Variants in DNAH9 observed in about 807,000 individuals in gnomAD.
DNAH9 encodes DNAH9 variant protein.
DNAH9 carries 345 observed loss-of-function variants against 471.6 expected under a neutral mutation model. That is an observed-to-expected ratio of 0.73 (90% CI 0.67 to 0.80). The LOEUF (loss-of-function observed/expected upper bound fraction) is 0.80. Ranked by LOEUF, DNAH9 falls within the 30% of genes least tolerant of loss-of-function variation. The pLI, the probability that DNAH9 is intolerant of heterozygous loss-of-function variation, is 0.00. For missense variants in DNAH9, 5,407 were observed against 5,609.2 expected, an observed-to-expected ratio of 0.96 and a Z score of 1.15; for synonymous variants, 2,093 against 2,123.6, an observed-to-expected ratio of 0.99 and a Z score of 0.40.
chr17:11,714,424 CAGTG>C (rs2074925100), intron 26 of DNAH9, among the ~76,000 whole-genome samples: 1 of 152,166 alleles, frequency 6.6e-6, no homozygotes, highest in Admixed American at 6.5e-5. Context: ...CATTAAACAT[CAGTG>C]AGCTGAGTAT....
Position 11,640,278 on chromosome 17 carries a change from C to A in DNAH9, c.1795C>A (p.Pro599Thr), listed in dbSNP as rs746820044. Reference sequence around the variant, plus strand: ...CTGTGCCATGTCTCCAGGGTTCTCCCCGGTGCACAAGAACATGCCCACCGT... The same window carrying A: ...CTGTGCCATGTCTCCAGGGTTCTCCACGGTGCACAAGAACATGCCCACCGT... ...VQEEAELGFS[P>T]VHKNMPTVAG... Residue 599 changes from proline to threonine, a missense_variant, in exon 10 of 69, where the codon CCG (proline) becomes ACG (threonine). Physicochemically the swap from Pro to Thr is conservative, Grantham distance 38. Coordinates refer to ENST00000262442, the MANE Select transcript of DNAH9 (RefSeq NM_001372.4). The A allele has an allele frequency of 2.5e-6, 4 of 1,611,072 alleles. No homozygotes were observed. In the East Asian group the frequency reaches 8.9e-5, roughly 36 times the overall value.
intron 22 of DNAH9, among the ~76,000 whole-genome samples, chr17:11,698,591 T>A (rs2150768932): frequency 6.6e-6 from 1 of 152,036 alleles, no homozygotes; most frequent in African/African-American, 2.4e-5. Context: ...ACCTAAACAC[T>A]CTTAGATTTG....
chr17:11,692,941 T>C (rs1428563838), intron 20 of DNAH9, among the ~76,000 whole-genome samples: 1 of 152,192 alleles, frequency 6.6e-6, no homozygotes, highest in Non-Finnish European at 1.5e-5. Flanking sequence ...AGTCTCGCTT[T>C]GTCACCCAGG....
chr17:11,923,022 T>G (rs939718297), intron 61 of DNAH9, among the ~76,000 whole-genome samples: 1 of 151,598 alleles, frequency 6.6e-6, no homozygotes, highest in Non-Finnish European at 1.5e-5. Context: ...GAGGGAAGAG[T>G]GAAGTGATTT....
At chr17:11,647,226 T>G (rs913706906) in intron 12 of DNAH9, 28 bp downstream of exon 12, 32 of 1,607,198 alleles carry the variant, frequency 2.0e-5, no homozygotes, top group Non-Finnish European at 2.6e-5. Flanking sequence ...AGCTCTCTTT[T>G]GGGTTCCTGA....
intron 57 of DNAH9, among the ~76,000 whole-genome samples, chr17:11,891,435 G>T (rs953191260): frequency 6.6e-6 from 1 of 151,994 alleles, no homozygotes; most frequent in Non-Finnish European, 1.5e-5. Flanking sequence ...GCACCATCTC[G>T]GCTCACTGCA....
In DNAH9 at chr17:11,693,946, C is replaced by A. The variant is rs755864134; in HGVS notation, c.4693C>A (p.Gln1565Lys). 1 of 1,614,006 alleles carries A rather than the reference C, an allele frequency of 6.2e-7. No homozygotes were observed. Among genetic ancestry groups the A allele is most frequent in the Non-Finnish European group, 8.5e-7 (1 of 1,180,008 alleles). The change falls in exon 21 of 69, where the codon CAA becomes AAA. Residue 1565 changes from glutamine to lysine, a missense_variant. This residue lies in a region of DNAH9 where 4,636 missense variants were observed against 4,900.3 expected (regional missense o/e 0.95). Transcript: ENST00000262442. ...YDAQKIPNVV[Q>K]TTNKPGLYEK... is the part of the protein sequence containing the mutation. ...TGCCCAGAAAATTCCAAATGTAGTG[C>A]AAACCACCAACAAGCCAGGCCTGTA...
intron 68 of DNAH9, among the ~76,000 whole-genome samples, chr17:11,965,441 A>G (rs1235523000): frequency 1.3e-5 from 2 of 152,212 alleles, no homozygotes; most frequent in African/African-American, 4.8e-5. Flanking sequence ...AAGAATATAG[A>G]CTTTACAGAA....
chr17:11,768,736 C>A, intron 37 of DNAH9, 110 bp downstream of exon 37: 2 of 1,323,726 alleles, frequency 1.5e-6, no homozygotes, highest in Non-Finnish European at 2.1e-6. Flanking sequence ...TTGCTAGGAA[C>A]TAGTCATCCC....
In DNAH9 at chr17:11,932,133, A is replaced by G; in HGVS notation, c.12225A>G (p.Ser4075=). 1 of 1,613,606 alleles carries G rather than the reference A, an allele frequency of 6.2e-7. No individual in the cohort carries two copies. Among genetic ancestry groups the G allele is most frequent in the East Asian group, 2.2e-5 (1 of 44,878 alleles). Residue 4075 remains serine, a synonymous_variant, in exon 64 of 69, where the codon TCA becomes TCG. Coordinates refer to ENST00000262442, the MANE Select transcript of DNAH9 (RefSeq NM_001372.4). This position sits in a 1 kb window ranked among gnomAD's most constrained non-coding sequence, Gnocchi z 4.3. ...TTGGGCCCCAGGGATGGAATCGCTC[A>G]TACCCCTTTAACACTGGAGACCTCA... ...RKFGPQGWNR[S]YPFNTGDLTI... is the part of the protein sequence containing the mutation.
chr17:11,751,589 A>G (rs982518198), intron 32 of DNAH9, among the ~76,000 whole-genome samples: 11 of 152,100 alleles, frequency 7.2e-5, no homozygotes, highest in South Asian at 2.1e-4. Context: ...CCCCTAAAAT[A>G]TAATAAATGC....
chr17:11,716,564 T>A (rs1226214010), intron 26 of DNAH9, among the ~76,000 whole-genome samples: 2 of 152,130 alleles, frequency 1.3e-5, no homozygotes, highest in East Asian at 3.9e-4. Context: ...ACAATGATAT[T>A]TTGACATTTC....
In DNAH9 at chr17:11,952,273, G is replaced by T. The variant is rs917206791; in HGVS notation, c.12844-9594G>T. On this transcript the variant is annotated intron_variant, in intron 67 of 68. Transcript: ENST00000262442. ...TTGTGCCTCAGCCATCCAAGTAGCTGGGATTACAGGCATGCACCATTACAC... is the reference window on the plus strand; with the variant it reads ...TTGTGCCTCAGCCATCCAAGTAGCTTGGATTACAGGCATGCACCATTACAC... Among the ~76,000 whole-genome samples the T allele has an allele frequency of 3.4e-5, 5 of 145,494 alleles. No individual in the cohort carries two copies. The East Asian group carries it at 1.0e-3, about 30-fold the overall frequency.
In DNAH9 at chr17:11,750,836, T is replaced by C. The variant is rs111284580; in HGVS notation, c.6611-1997T>C. On this transcript the variant is annotated intron_variant, in intron 32 of 68. Coordinates refer to ENST00000262442, the MANE Select transcript of DNAH9 (RefSeq NM_001372.4). ...AGGCTGGAAGTAAAGGAAGTTAATA[T>C]TCATCATAAGAAATTGTTCAAACTA... is the stretch of plus-strand genomic sequence containing the variant. Among the ~76,000 whole-genome samples, 92 of 152,180 alleles carry C rather than the reference T, an allele frequency of 6.0e-4. 1 individual carries two copies. The highest frequency in any genetic ancestry group is 2.1e-3 in the African/African-American group (89 of 41,540).
chr17:11,756,517 C>G, intron 33 of DNAH9, 51 bp from the exon 34 acceptor site: 2 of 1,041,918 alleles, frequency 1.9e-6, no homozygotes, highest in Non-Finnish European at 3.0e-6. Context: ...CACAGGCTGG[C>G]AAGGCACCTC....
Position 11,669,684 on chromosome 17 carries a change from T to C in DNAH9, c.3243T>C (p.Phe1081=). ...EVCRLEPIKV[F]DGWMKIDIRP... ...GCAGGCTGGAACCCATCAAGGTGTT[T>C]GACGGCTGGATGAAAATTGATATTC... Residue 1081 remains phenylalanine (F), a synonymous_variant, in exon 17 of 69, where the codon TTT becomes TTC. Transcript: ENST00000262442. 1 of 1,614,188 alleles carries C rather than the reference T, an allele frequency of 6.2e-7. No individual in the cohort carries two copies. Among genetic ancestry groups the C allele is most frequent in the Non-Finnish European group, 8.5e-7 (1 of 1,180,042 alleles).
intron 41 of DNAH9, among the ~76,000 whole-genome samples, chr17:11,789,961 T>C (rs1969006587): frequency 6.6e-6 from 1 of 152,030 alleles, no homozygotes; most frequent in Non-Finnish European, 1.5e-5. Flanking sequence ...TATTTAGAAG[T>C]GTATTGCTTT....
chr17:11,670,482 C>T (rs1379092758), intron 17 of DNAH9, among the ~76,000 whole-genome samples: 1 of 152,120 alleles, frequency 6.6e-6, no homozygotes, highest in Non-Finnish European at 1.5e-5. Flanking sequence ...CAGTGATTGC[C>T]CTTTGGAGTG....
intron 14 of DNAH9, among the ~76,000 whole-genome samples, chr17:11,653,993 T>A (rs989336925): frequency 9.9e-5 from 15 of 152,068 alleles, no homozygotes; most frequent in African/African-American, 3.1e-4. Flanking sequence ...ATGTAAGATA[T>A]AGTCCCCGCT....
Sources: allele counts gnomAD v4.1 joint callset (sites outside exome capture counted in the v4.1 genomes callset), GRCh38; gene constraint gnomAD v4.1.1; regional missense constraint gnomAD v4.1.1; non-coding constraint Gnocchi (gnomAD v3.1); transcripts MANE v1.5; gene names NCBI Gene and HGNC (gene_info 2026-07-23, HGNC 2026-07-21).